The following TRMT11 variants were observed in gnomAD, a reference collection of about 807,000 sequenced individuals.
The protein encoded by TRMT11 is tRNA (guanine(10)-N(2))-methyltransferase TRMT11.
A neutral mutation model predicts 62.8 loss-of-function variants in TRMT11; 53 were observed. The ratio of observed to expected loss-of-function variants is 0.84; its 90% confidence interval spans 0.68 to 1.06. The LOEUF (loss-of-function observed/expected upper bound fraction) is 1.06, where lower values mean the gene tolerates loss of function less well. TRMT11 is among the 50% of genes least tolerant of loss of function. The pLI is 0.00. For synonymous variants in TRMT11, 188 were observed against 190.3 expected, an observed-to-expected ratio of 0.99 and a Z score of 0.10; for missense variants, 556 against 553.4, an observed-to-expected ratio of 1.00 and a Z score of -0.05.
the TRMT11 span, among the ~76,000 whole-genome samples, chr6:126,265,879 A>C: frequency 6.6e-6 from 1 of 152,178 alleles, no homozygotes; most frequent in African/African-American, 2.4e-5. Flanking sequence ...ATAACTTTGT[A>C]AATATTAAGG....
the TRMT11 span, among the ~76,000 whole-genome samples, chr6:126,259,750 C>G: frequency 6.6e-6 from 1 of 152,028 alleles, no homozygotes; most frequent in Non-Finnish European, 1.5e-5. Flanking sequence ...TATGGGTGCT[C>G]CAGTTTGGGT....
chr6:126,079,233 A>G (rs867273887), intron 17 of TRMT11, among the ~76,000 whole-genome samples: 2 of 152,156 alleles, frequency 1.3e-5, no homozygotes, highest in Middle Eastern at 3.2e-3. Context: ...TACTGAAGTT[A>G]TAAGTTTATA....
chr6:126,044,623 C>G (rs1347203872), intron 16 of TRMT11, among the ~76,000 whole-genome samples: 1 of 152,116 alleles, frequency 6.6e-6, no homozygotes, highest in Non-Finnish European at 1.5e-5. Context: ...GTATAGTGAA[C>G]AATCTTGGAA....
At chr6:126,173,672 G>T (rs1389516745), upstream of TRMT11, among the ~76,000 whole-genome samples, 5 of 152,202 alleles carry the variant, frequency 3.3e-5, no homozygotes, top group Non-Finnish European at 7.3e-5. Context: ...TACAAGACTG[G>T]TGTTAGCGGT....
intron 7 of TRMT11, among the ~76,000 whole-genome samples, chr6:126,005,251 T>C (rs549220696): frequency 3.3e-5 from 5 of 152,212 alleles, no homozygotes; most frequent in African/African-American, 1.2e-4. Context: ...TTTGCTTTTG[T>C]TTATCTAATT....
At chr6:126,041,192 C>A (rs1775868410), downstream of TRMT11, among the ~76,000 whole-genome samples, 1 of 152,026 alleles carries the variant, frequency 6.6e-6, no homozygotes, top group South Asian at 2.1e-4. Context: ...CAAAAAACAA[C>A]AACAACAACC....
chr6:126,025,336 G>A (rs1772853942), intron 12 of TRMT11, among the ~76,000 whole-genome samples: 3 of 151,820 alleles, frequency 2.0e-5, no homozygotes, highest in Non-Finnish European at 2.9e-5. Context: ...GATAAATGAG[G>A]GTACTCACCT....
the TRMT11 span, among the ~76,000 whole-genome samples, chr6:126,233,862 C>G: frequency 6.6e-6 from 1 of 152,006 alleles, no homozygotes; most frequent in Non-Finnish European, 1.5e-5. Flanking sequence ...AGGGAAAATC[C>G]TAGGGCCACA....
chr6:126,012,814 G>A lies in TRMT11; in HGVS notation c.969G>A (p.Gln323=). The change falls in exon 10 of 13, where the codon CAG becomes CAA. Residue 323 remains glutamine (Q), a synonymous_variant. Coordinates refer to ENST00000334379, the MANE Select transcript of TRMT11 (RefSeq NM_001031712.3). ...IRESTRRTGS[Q]KEIPKGIEKW... Reference sequence around the variant, plus strand: ...AATCTACAAGAAGAACAGGTTCACAGAAGGAGATACCAAAGGGGATAGAAA... The same window carrying A: ...AATCTACAAGAAGAACAGGTTCACAAAAGGAGATACCAAAGGGGATAGAAA... 1 of 1,613,800 alleles carries A rather than the reference G, an allele frequency of 6.2e-7. No homozygotes were observed. Among genetic ancestry groups the A allele is most frequent in the Non-Finnish European group, 8.5e-7 (1 of 1,179,724 alleles).
At chr6:126,253,492 A>T in the TRMT11 span, among the ~76,000 whole-genome samples, 4 of 152,258 alleles carry the variant, frequency 2.6e-5, no homozygotes, top group African/African-American at 4.8e-5. Flanking sequence ...ATTATGTATT[A>T]TACTTAATTG....
At chr6:126,022,336 C>T (rs80342025) in intron 12 of TRMT11, among the ~76,000 whole-genome samples, 2,100 of 152,064 alleles carry the variant, frequency 0.014, 45 homozygotes, top group African/African-American at 0.045. Flanking sequence ...CGTGAGCCAC[C>T]GTGTCCAGAC....
chr6:126,022,764 GTTGA>G (rs1423441585), intron 12 of TRMT11, among the ~76,000 whole-genome samples: 2 of 152,154 alleles, frequency 1.3e-5, no homozygotes, highest in South Asian at 2.1e-4. Flanking sequence ...TATATAAGTA[GTTGA>G]TTGGTATCTA....
At chr6:125,993,095 C>T (rs1790891902) in intron 1 of TRMT11, among the ~76,000 whole-genome samples, 1 of 152,080 alleles carries the variant, frequency 6.6e-6, no homozygotes, top group African/African-American at 2.4e-5. Flanking sequence ...GTTCCATCCT[C>T]CATGAGACCT....
intron 11 of TRMT11, among the ~76,000 whole-genome samples, chr6:126,019,484 A>G (rs1006999268): frequency 2.6e-5 from 4 of 152,190 alleles, no homozygotes; most frequent in Non-Finnish European, 4.4e-5. Context: ...CTAAACATGA[A>G]GAGTTTATAT....
intron 17 of TRMT11, among the ~76,000 whole-genome samples, chr6:126,088,739 T>C (rs1777241500): frequency 6.6e-6 from 1 of 152,210 alleles, no homozygotes; most frequent in Non-Finnish European, 1.5e-5. Context: ...TGAGCATCTT[T>C]TAATTAGAGA....
chr6:126,179,575 C>A (rs1200009706), intron 1 of TRMT11, among the ~76,000 whole-genome samples: 1 of 152,074 alleles, frequency 6.6e-6, no homozygotes, highest in Non-Finnish European at 1.5e-5. Context: ...TTTAATCTTT[C>A]ATTTCCCCAA....
intron 7 of TRMT11, 113 bp downstream of exon 7, chr6:125,999,726 G>A: frequency 2.1e-6 from 2 of 930,340 alleles, no homozygotes; most frequent in Non-Finnish European, 3.2e-6. Context: ...AATTGTGTTT[G>A]GATAGTGGCC....
At chr6:126,238,647 G>T in the TRMT11 span, among the ~76,000 whole-genome samples, 17 of 150,318 alleles carry the variant, frequency 1.1e-4, no homozygotes, top group East Asian at 3.9e-4. Flanking sequence ...GGTCAATTTT[G>T]GAATAAGTGT....
downstream of TRMT11, among the ~76,000 whole-genome samples, chr6:126,041,173 A>G (rs908632509): frequency 1.3e-5 from 2 of 152,168 alleles, no homozygotes; most frequent in Admixed American, 6.5e-5. Flanking sequence ...ATTATAAGTA[A>G]AAACAAAACA....
Sources: allele counts gnomAD v4.1 joint callset (sites outside exome capture counted in the v4.1 genomes callset), GRCh38; gene constraint gnomAD v4.1.1; transcripts MANE v1.5; gene names NCBI Gene and HGNC (gene_info 2026-07-23, HGNC 2026-07-21).